Variants in AHI1 observed in about 807,000 individuals in gnomAD.
AHI1 encodes the protein Abelson helper integration site 1.
AHI1 carries 123 observed loss-of-function variants against 149.3 expected under a neutral mutation model. The observed-to-expected ratio is 0.82, with a 90% CI of 0.71 to 0.96. The LOEUF is 0.96. Ranked by LOEUF, AHI1 falls within the 40% of genes least tolerant of loss-of-function variation. AHI1 has a pLI of 0.00. For missense variants in AHI1, 1,439 were observed against 1,422.7 expected, an observed-to-expected ratio of 1.01 and a Z score of -0.18; for synonymous variants, 475 against 459.8, an observed-to-expected ratio of 1.03 and a Z score of -0.42.
At chr6:135,309,459 C>G (rs1435141385) in intron 26 of AHI1, among the ~76,000 whole-genome samples, 2 of 150,868 alleles carry the variant, frequency 1.3e-5, no homozygotes, top group Non-Finnish European at 2.9e-5. Flanking sequence ...TGAAATTCTT[C>G]CTGGGACACA....
intron 23 of AHI1, among the ~76,000 whole-genome samples, chr6:135,361,126 C>T: frequency 6.6e-6 from 1 of 152,008 alleles, no homozygotes; most frequent in Non-Finnish European, 1.5e-5. Context: ...TTTTTAATGG[C>T]TAATGTAGAG....
intron 22 of AHI1, among the ~76,000 whole-genome samples, chr6:135,402,146 A>G (rs771113241): frequency 1.3e-5 from 2 of 152,230 alleles, no homozygotes; most frequent in Non-Finnish European, 2.9e-5. Context: ...ACCCACTAGG[A>G]TGGCTATAAA....
intron 17 of AHI1, among the ~76,000 whole-genome samples, chr6:135,430,891 A>G (rs1001960021): frequency 2.0e-5 from 3 of 152,006 alleles, no homozygotes; most frequent in East Asian, 1.9e-4. Context: ...AATATAAATT[A>G]TTACTTATCG....
intron 12 of AHI1, 119 bp from the exon 13 acceptor site, chr6:135,447,279 GA>G: frequency 2.8e-6 from 2 of 724,876 alleles, no homozygotes; most frequent in South Asian, 5.6e-5. Context: ...ATGTAATCCA[GA>G]AAAAAATTCT....
At chr6:135,421,652 C>A (rs551150490) in intron 20 of AHI1, among the ~76,000 whole-genome samples, 113 of 152,032 alleles carry the variant, frequency 7.4e-4, no homozygotes, top group Non-Finnish European at 1.3e-3. Flanking sequence ...ATTAAAAACA[C>A]CACTGTAAAC....
At chr6:135,470,171 A>ATC (rs1562249672) in intron 5 of AHI1, among the ~76,000 whole-genome samples, 1 of 152,208 alleles carries the variant, frequency 6.6e-6, no homozygotes, top group African/African-American at 2.4e-5. Flanking sequence ...ATGAACACAC[A>ATC]CTTCTTAAAA....
intron 23 of AHI1, among the ~76,000 whole-genome samples, chr6:135,373,476 G>A (rs114931172): frequency 5.7e-4 from 87 of 152,258 alleles, no homozygotes; most frequent in African/African-American, 2.1e-3. Flanking sequence ...TAAGCAATGC[G>A]TGACTATACT....
intron 24 of AHI1, among the ~76,000 whole-genome samples, chr6:135,347,893 G>A (rs17064440): frequency 0.018 from 2,670 of 152,290 alleles, 74 homozygotes; most frequent in African/African-American, 0.061. Context: ...ATAAGATAGT[G>A]CCAGCCAGAG....
chr6:135,323,417 A>C (rs1222936239), intron 24 of AHI1, 93 bp from the exon 25 acceptor site: 3 of 1,385,382 alleles, frequency 2.2e-6, no homozygotes, highest in Non-Finnish European at 3.0e-6. Flanking sequence ...GAGCAGCTGA[A>C]ACCAAAGCAG....
At chr6:135,374,106 ATATTTTTTTTT>A (rs1434561351) in intron 23 of AHI1, among the ~76,000 whole-genome samples, 1,128 of 29,336 alleles carry the variant, frequency 0.038, 10 homozygotes, top group African/African-American at 0.11. Context: ...ATATATATAT[ATATTTTTTTTT>A]TTTTTTTTTT....
At chr6:135,392,808 G>T (rs1291694786) in intron 23 of AHI1, among the ~76,000 whole-genome samples, 1 of 152,124 alleles carries the variant, frequency 6.6e-6, no homozygotes, top group East Asian at 1.9e-4. Flanking sequence ...TGAAGAAACT[G>T]CTCAAGATTC....
chr6:135,297,221 C>A (rs1783207591), intron 27 of AHI1, among the ~76,000 whole-genome samples: 1 of 151,742 alleles, frequency 6.6e-6, no homozygotes, highest in African/African-American at 2.4e-5. Flanking sequence ...TCATCAGATG[C>A]CCTCAAGACA....
In AHI1 at chr6:135,465,813, C is replaced by T. The variant is rs780069818; in HGVS notation, c.749+1G>A. ...TTTTACATTTATCAATGCAAAAATA[C>T]CTTGTTTCAGCTTTAGAGAAGACTG... On this transcript the variant is annotated splice_donor_variant, in intron 7 of 28. Transcript: ENST00000265602. LOFTEE classifies it high-confidence loss of function. The T allele has an allele frequency of 6.9e-7, 1 of 1,445,214 alleles. No homozygotes were observed. The highest frequency in any genetic ancestry group is 2.4e-5 in the East Asian group (1 of 41,326). 89.5% of individuals were successfully genotyped at this position (1,445,214 alleles called of 1,614,324 possible).
At position 135,285,267 on chromosome 6, in the gene AHI1, T is replaced by G. The variant is rs1781552936; in HGVS notation, c.*378A>C. 1 of 266,662 alleles carries G rather than the reference T, an allele frequency of 3.8e-6. No homozygotes were observed. Among genetic ancestry groups the G allele is most frequent in the African/African-American group, 2.2e-5 (1 of 44,802 alleles). 16.5% of individuals were successfully genotyped at this position (266,662 alleles called of 1,614,324 possible). On this transcript the variant is annotated 3_prime_UTR_variant, in exon 29 of 29. Transcript: ENST00000265602. The stretch of plus-strand genomic sequence containing the variant: ...TACAACCATTACCAATATAATAATA[T>G]TAAATGATTACTTAACAGACATCCT...
At chr6:135,379,490 T>C (rs1173950855) in intron 23 of AHI1, among the ~76,000 whole-genome samples, 1 of 152,240 alleles carries the variant, frequency 6.6e-6, no homozygotes. Context: ...GTCTTCTCTA[T>C]GAGGCCTTAT....
At chr6:135,297,055 C>T (rs1404211419) in intron 27 of AHI1, among the ~76,000 whole-genome samples, 2 of 152,170 alleles carry the variant, frequency 1.3e-5, no homozygotes, top group Non-Finnish European at 2.9e-5. Flanking sequence ...ACTACTGACA[C>T]CTTCAAAGGC....
intron 3 of AHI1, among the ~76,000 whole-genome samples, chr6:135,494,585 C>A (rs1405409884): frequency 6.6e-6 from 1 of 152,156 alleles, no homozygotes; most frequent in African/African-American, 2.4e-5. Context: ...AGGCACAATG[C>A]CTAGCACATG....
At chr6:135,494,193 C>T (rs147595140) in intron 3 of AHI1, among the ~76,000 whole-genome samples, 11 of 152,306 alleles carry the variant, frequency 7.2e-5, no homozygotes, top group African/African-American at 2.6e-4. Context: ...AATTAGTTTC[C>T]ATAGTCACTT....
chr6:135,419,561 C>G (rs1782857615), intron 20 of AHI1, among the ~76,000 whole-genome samples: 1 of 151,970 alleles, frequency 6.6e-6, no homozygotes, highest in Non-Finnish European at 1.5e-5. Context: ...ATATTGTAGT[C>G]TATTAAGTGT....
Sources: gnomAD v4.1 joint callset for allele counts (sites outside exome capture counted in the v4.1 genomes callset) on GRCh38, gnomAD v4.1.1 for gene constraint, MANE v1.5 for transcripts, NCBI Gene and HGNC (gene_info 2026-07-23, HGNC 2026-07-21) for gene names.